Variants in AMPD3 observed in about 807,000 individuals in gnomAD.
The protein encoded by AMPD3 is AMP deaminase 3.
In AMPD3, 57 loss-of-function variants were observed where a neutral mutation model predicts 82.3. The observed-to-expected ratio is 0.69, with a 90% CI of 0.56 to 0.86. The LOEUF (loss-of-function observed/expected upper bound fraction) is 0.86, where lower values mean the gene tolerates loss of function less well. Ranked by LOEUF, AMPD3 falls within the 40% of genes least tolerant of loss-of-function variation. AMPD3 has a pLI of 0.00. For missense variants in AMPD3, 870 were observed against 1,003.8 expected, an observed-to-expected ratio of 0.87 and a Z score of 1.80; for synonymous variants, 381 against 394.7, an observed-to-expected ratio of 0.97 and a Z score of 0.41.
In AMPD3 at chr11:10,456,432, C is replaced by G. The variant is rs1848096825; in HGVS notation, c.-6+984C>G. The G allele has an allele frequency of 6.2e-7, 1 of 1,613,660 alleles. No individual in the cohort carries two copies. Among genetic ancestry groups the G allele is most frequent in the South Asian group, 1.1e-5 (1 of 91,074 alleles). ...GTGTCGGGGCTTCTGCAAGGGGAGT[C>G]TGGCAAGAGTAGGAACCAGCTTCCT... is the stretch of plus-strand genomic sequence containing the variant. On this transcript the variant is annotated intron_variant, in intron 1 of 14. Coordinates refer to ENST00000396553, the MANE Select transcript of AMPD3 (RefSeq NM_001025389.2). The surrounding 1 kb of genome is among the most constrained non-coding windows in gnomAD (Gnocchi z 4.3).
chr11:10,481,444 C>T (rs73409954), intron 3 of AMPD3: 97,103 of 984,974 alleles, frequency 0.099, 5,885 homozygotes, highest in African/African-American at 0.28. Flanking sequence ...CATGTGAGGC[C>T]GGCTTCTGGG....
intron 9 of AMPD3, 155 bp from the exon 10 acceptor site, chr11:10,496,657 A>T: frequency 2.1e-6 from 3 of 1,453,270 alleles, no homozygotes; most frequent in Non-Finnish European, 2.8e-6. Context: ...CTGGGAGAGG[A>T]GGACAGAGGA....
intron 11 of AMPD3, 53 bp downstream of exon 11, chr11:10,500,302 CGCAT>C: frequency 6.4e-7 from 1 of 1,558,512 alleles, no homozygotes; most frequent in Non-Finnish European, 8.8e-7. Context: ...AGTACATGCA[CGCAT>C]GCACACACAT....
chr11:10,483,059 T>A (rs1848959794), intron 4 of AMPD3, among the ~76,000 whole-genome samples: 1 of 152,194 alleles, frequency 6.6e-6, no homozygotes, highest in African/African-American at 2.4e-5. Context: ...ATGCAAATAA[T>A]ACCTATCTCC....
chr11:10,484,872 ACCC>A lies in AMPD3; in HGVS notation c.646_648del (p.Pro216del), dbSNP rs1298240902. On this transcript the variant is annotated inframe_deletion, in exon 5 of 15. Coordinates refer to ENST00000396553, the MANE Select transcript of AMPD3 (RefSeq NM_001025389.2). The stretch of plus-strand genomic sequence containing the variant: ...AAGACCCCTACTGCCTGGATGATGC[ACCC>A]CCCAACCTGGATTACTTGGTCCACA... 2 of 1,613,552 alleles carry A rather than the reference ACCC, an allele frequency of 1.2e-6. No individual in the cohort carries two copies. The highest frequency in any genetic ancestry group is 2.7e-5 in the African/African-American group (2 of 74,734).
intron 10 of AMPD3, 41 bp downstream of exon 10, chr11:10,496,979 G>GAGGCAGGAAT (rs767030575): frequency 3.7e-6 from 6 of 1,609,444 alleles, no homozygotes; most frequent in Non-Finnish European, 5.1e-6. Context: ...CATAGCGGCA[G>GAGGCAGGAAT]AGGCAGGAAT....
chr11:10,456,440 A>G lies in AMPD3; in HGVS notation c.-6+992A>G. On this transcript the variant is annotated intron_variant, in intron 1 of 14. Coordinates refer to ENST00000396553, the MANE Select transcript of AMPD3 (RefSeq NM_001025389.2). The surrounding 1 kb of genome is among the most constrained non-coding windows in gnomAD (Gnocchi z 4.3). Reference sequence around the variant, plus strand: ...GCTTCTGCAAGGGGAGTCTGGCAAGAGTAGGAACCAGCTTCCTTCGTATAA... The same window carrying G: ...GCTTCTGCAAGGGGAGTCTGGCAAGGGTAGGAACCAGCTTCCTTCGTATAA... 6.2e-7 allele frequency: 1 copy of G among 1,613,770 alleles called. No homozygotes were observed. Among genetic ancestry groups the G allele is most frequent in the Non-Finnish European group, 8.5e-7 (1 of 1,179,698 alleles).
chr11:10,476,990 A>G lies in AMPD3; in HGVS notation c.222-1536A>G, dbSNP rs988836640. On this transcript the variant is annotated intron_variant, in intron 2 of 14. Transcript: ENST00000396553. ...AGCCACCTCTGTCTTGCAGGTTAAA[A>G]TAGCCTTGTCCCAAAGATGTGATAA... 2.5e-5 allele frequency: 25 copies of G among 985,360 alleles called. No homozygotes were observed. In the African/African-American group the frequency reaches 4.0e-4, roughly 16 times the overall value. The allele number at this position is 985,360 out of a possible 1,614,324, so 61.0% of individuals were successfully genotyped here.
intron 1 of AMPD3, 91 bp from the exon 2 acceptor site, chr11:10,461,424 G>T (rs372846179): frequency 1.9e-5 from 30 of 1,606,756 alleles, no homozygotes; most frequent in Non-Finnish European, 2.5e-5. Context: ...CCAAGTACCA[G>T]GTGGGCCTGG....
At chr11:10,472,113 C>T (rs1297742150) in intron 2 of AMPD3, among the ~76,000 whole-genome samples, 1 of 152,080 alleles carries the variant, frequency 6.6e-6, no homozygotes, top group Non-Finnish European at 1.5e-5. Flanking sequence ...ACTATGCAGC[C>T]ATAAAAAAGA....
At chr11:10,497,010 C>A in intron 10 of AMPD3, 72 bp downstream of exon 10, 1 of 1,574,052 alleles carries the variant, frequency 6.4e-7, no homozygotes, top group South Asian at 1.1e-5. Context: ...TGAGCTGGGT[C>A]AGGCTTGCTC....
intron 3 of AMPD3, chr11:10,481,369 A>G: frequency 1.4e-5 from 12 of 885,352 alleles, no homozygotes; most frequent in Non-Finnish European, 1.5e-5. Flanking sequence ...GCCTTCAGGG[A>G]TAGGACTCAG....
chr11:10,502,953 T>A, intron 13 of AMPD3, 59 bp downstream of exon 13: 1 of 1,582,676 alleles, frequency 6.3e-7, no homozygotes, highest in Non-Finnish European at 8.7e-7. Context: ...TAGCCTGTCC[T>A]CCCATTTCAG....
intron 7 of AMPD3, 101 bp from the exon 8 acceptor site, chr11:10,494,798 C>T (rs933037934): frequency 5.8e-5 from 91 of 1,581,972 alleles, no homozygotes; most frequent in Non-Finnish European, 7.2e-5. Context: ...AGATGTCTTT[C>T]GGTGTGGCCA....
At chr11:10,480,369 T>C (rs191333918) in intron 3 of AMPD3, among the ~76,000 whole-genome samples, 2 of 152,288 alleles carry the variant, frequency 1.3e-5, no homozygotes, top group East Asian at 3.9e-4. Context: ...TATTTTTGTC[T>C]AGGATGTCGG....
intron 6 of AMPD3, among the ~76,000 whole-genome samples, chr11:10,488,910 G>T (rs1413595899): frequency 6.6e-6 from 1 of 152,188 alleles, no homozygotes; most frequent in Non-Finnish European, 1.5e-5. Flanking sequence ...GAGCATATCA[G>T]CAATGCAGAT....
intron 2 of AMPD3, among the ~76,000 whole-genome samples, chr11:10,467,763 G>A (rs920698381): frequency 2.6e-5 from 4 of 152,202 alleles, no homozygotes; most frequent in African/African-American, 9.7e-5. Flanking sequence ...AGGGCAGCCA[G>A]AGAGAAAGGT....
chr11:10,487,189 G>A (rs1222742126), intron 5 of AMPD3, 46 bp from the exon 6 acceptor site: 1 of 1,612,578 alleles, frequency 6.2e-7, no homozygotes, highest in Admixed American at 1.7e-5. Context: ...AAACTGGAGA[G>A]CTCGATGCGA....
chr11:10,460,833 T>C, intron 1 of AMPD3: 2 of 954,022 alleles, frequency 2.1e-6, no homozygotes, highest in Non-Finnish European at 2.5e-6. Flanking sequence ...CAGTGACTGT[T>C]AGTAAGGAAT....
Sources: gnomAD v4.1 joint callset for allele counts (sites outside exome capture counted in the v4.1 genomes callset) on GRCh38, gnomAD v4.1.1 for gene constraint, Gnocchi (gnomAD v3.1) non-coding constraint, MANE v1.5 for transcripts, NCBI Gene and HGNC (gene_info 2026-07-23, HGNC 2026-07-21) for gene names.